The following TRIM24 variants were observed in gnomAD, a reference collection of about 807,000 sequenced individuals.
TRIM24 encodes the protein transcription intermediary factor 1-alpha.
TRIM24 carries 29 observed loss-of-function variants against 123.9 expected under a neutral mutation model. The ratio of observed to expected loss-of-function variants is 0.23; its 90% CI spans 0.17 to 0.32. The LOEUF (loss-of-function observed/expected upper bound fraction) is 0.32, where lower values mean the gene tolerates loss of function less well. Among genes scored for constraint, TRIM24 ranks in the 10% least tolerant of loss-of-function variants. TRIM24 has a pLI of 1.00. For missense variants in TRIM24, 932 were observed against 1,295.3 expected (o/e 0.72, Z 4.31); for synonymous variants, 456 against 461.1 (o/e 0.99, Z 0.14).
intron 17 of TRIM24, among the ~76,000 whole-genome samples, chr7:138,582,428 G>C (rs1310196811): frequency 1.3e-5 from 2 of 151,958 alleles, no homozygotes; most frequent in African/African-American, 2.4e-5. Context: ...TGTAGTCCCA[G>C]CTACTCGGGA....
At chr7:138,526,578 G>A (rs990979596) in intron 5 of TRIM24, among the ~76,000 whole-genome samples, 1 of 151,834 alleles carries the variant, frequency 6.6e-6, no homozygotes, top group Admixed American at 6.6e-5. Flanking sequence ...TGCCCAGCTA[G>A]TTTTTGTATC....
At chr7:138,575,230 T>C (rs557168714) in intron 12 of TRIM24, among the ~76,000 whole-genome samples, 13 of 152,322 alleles carry the variant, frequency 8.5e-5, no homozygotes, top group East Asian at 7.7e-4. Flanking sequence ...TTAAATGTTA[T>C]ATATTTTTAT....
At chr7:138,467,347 T>TAG in intron 1 of TRIM24, among the ~76,000 whole-genome samples, 1 of 139,184 alleles carries the variant, frequency 7.2e-6, no homozygotes, top group African/African-American at 2.8e-5. Flanking sequence ...TTGTTTTGTT[T>TAG]TGTTTTGTTT....
chr7:138,511,954 C>T (rs1796296571), intron 2 of TRIM24, among the ~76,000 whole-genome samples: 1 of 152,152 alleles, frequency 6.6e-6, no homozygotes, highest in South Asian at 2.1e-4. Flanking sequence ...AAACATGTTA[C>T]TTCCAAGATA....
chr7:138,518,172 G>A (rs1377110080), intron 3 of TRIM24, among the ~76,000 whole-genome samples: 4 of 152,128 alleles, frequency 2.6e-5, no homozygotes, highest in African/African-American at 9.7e-5. Flanking sequence ...ATAAGAATGA[G>A]ATGGATACAT....
At chr7:138,489,860 T>C (rs1795739635) in intron 1 of TRIM24, among the ~76,000 whole-genome samples, 1 of 152,206 alleles carries the variant, frequency 6.6e-6, no homozygotes, top group African/African-American at 2.4e-5. Context: ...AGTATCTTTG[T>C]GGTGTTCTCT....
intron 6 of TRIM24, among the ~76,000 whole-genome samples, chr7:138,538,207 G>A (rs1466841925): frequency 6.6e-6 from 1 of 152,174 alleles, no homozygotes; most frequent in African/African-American, 2.4e-5. Context: ...GCATGACTCT[G>A]TTTTGCACAA....
intron 11 of TRIM24, among the ~76,000 whole-genome samples, chr7:138,571,783 C>T (rs955168908): frequency 6.6e-6 from 1 of 152,116 alleles, no homozygotes; most frequent in Non-Finnish European, 1.5e-5. Flanking sequence ...GTTACCCAGG[C>T]TGGTCTTGAA....
At chr7:138,571,049 G>A (rs758955306) in intron 11 of TRIM24, 46 bp downstream of exon 11, 10 of 1,594,366 alleles carry the variant, frequency 6.3e-6, no homozygotes, top group Non-Finnish European at 7.7e-6. Context: ...AAAACTGTTG[G>A]CCGGGTGCAG....
intron 7 of TRIM24, among the ~76,000 whole-genome samples, chr7:138,543,972 C>T (rs1036685316): frequency 7.2e-5 from 11 of 152,060 alleles, no homozygotes; most frequent in African/African-American, 2.4e-4. Context: ...GTAGCTGGGA[C>T]TACAGGTGCA....
chr7:138,580,929 A>T (rs1450805652), intron 16 of TRIM24, among the ~76,000 whole-genome samples: 3 of 152,210 alleles, frequency 2.0e-5, no homozygotes, highest in African/African-American at 7.2e-5. Context: ...AACAAGATGG[A>T]ATATGTACCC....
intron 1 of TRIM24, among the ~76,000 whole-genome samples, chr7:138,466,462 G>GTTTTTTTTT (rs1563020272): frequency 1.9e-3 from 61 of 32,634 alleles, no homozygotes; most frequent in South Asian, 2.8e-3. Flanking sequence ...AACTTAAGTT[G>GTTTTTTTTT]CTTTTTTTTT....
intron 1 of TRIM24, among the ~76,000 whole-genome samples, chr7:138,483,610 A>G (rs1795579424): frequency 6.6e-6 from 1 of 152,224 alleles, no homozygotes; most frequent in African/African-American, 2.4e-5. Flanking sequence ...CCCAATACAT[A>G]ACAACTGACA....
At chr7:138,479,847 TTTGCTC>T (rs1795487994) in intron 1 of TRIM24, among the ~76,000 whole-genome samples, 1 of 151,130 alleles carries the variant, frequency 6.6e-6, no homozygotes, top group Admixed American at 6.6e-5. Flanking sequence ...GAGACAGAGT[TTTGCTC>T]TTGTTGCCCA....
intron 14 of TRIM24, among the ~76,000 whole-genome samples, chr7:138,577,960 T>C (rs1797797659): frequency 6.6e-6 from 1 of 152,036 alleles, no homozygotes; most frequent in African/African-American, 2.4e-5. Context: ...TCATCAAAAA[T>C]ATAGTAAAAC....
chr7:138,486,046 A>C (rs1043900574), intron 1 of TRIM24, among the ~76,000 whole-genome samples: 1 of 152,132 alleles, frequency 6.6e-6, no homozygotes, highest in African/African-American at 2.4e-5. Context: ...CTGGTGTGAG[A>C]TGGTATCTCA....
chr7:138,577,539 CTGT>C lies in TRIM24; in HGVS notation c.2212_2214del (p.Val738del). ...GGACCACCGGAAAATTATGATTTCC[CTGT>C]TGTTATAGTGAAGCAAGAATCAGAT... is the stretch of plus-strand genomic sequence containing the variant. On this transcript the variant is annotated inframe_deletion, in exon 14 of 19. Transcript: ENST00000343526. 1 of 1,610,660 alleles carries C rather than the reference CTGT, an allele frequency of 6.2e-7. No homozygotes were observed.
intron 9 of TRIM24, among the ~76,000 whole-genome samples, chr7:138,564,190 C>T (rs1314426558): frequency 6.6e-6 from 1 of 152,142 alleles, no homozygotes; most frequent in Non-Finnish European, 1.5e-5. Context: ...AGTTCCGTTG[C>T]CCCCCTTGGA....
At chr7:138,484,112 AT>A (rs780943666) in intron 1 of TRIM24, among the ~76,000 whole-genome samples, 2,246 of 144,614 alleles carry the variant, frequency 0.016, 45 homozygotes, top group African/African-American at 0.049. Flanking sequence ...TCATAAATAG[AT>A]TTTTTTTTTT....
Sources: allele counts gnomAD v4.1 joint callset (sites outside exome capture counted in the v4.1 genomes callset), GRCh38; gene constraint gnomAD v4.1.1; transcripts MANE v1.5; gene names NCBI Gene and HGNC (gene_info 2026-07-23, HGNC 2026-07-21).